Variants in AKT3 observed in about 807,000 individuals in gnomAD.
The protein encoded by AKT3 is AKT serine/threonine kinase 3.
In AKT3, 15 loss-of-function variants were observed where a neutral mutation model predicts 65.3. The ratio of observed to expected loss-of-function variants is 0.23; its 90% CI spans 0.15 to 0.35. The LOEUF (loss-of-function observed/expected upper bound fraction) is 0.35, where lower values mean the gene tolerates loss of function less well. Ranked by LOEUF, AKT3 falls within the 10% of genes least tolerant of loss-of-function variation. The probability of loss-of-function intolerance (pLI) is 1.00; values close to 1 mark genes in which losing one functional copy is unlikely to be tolerated. For synonymous variants in AKT3, 206 were observed against 183.8 expected (o/e 1.12, Z -0.98); for missense variants, 243 against 576.5 (o/e 0.42, Z 5.92).
chr1:243,594,631 T>C (rs1676469073), intron 8 of AKT3, among the ~76,000 whole-genome samples: 1 of 152,214 alleles, frequency 6.6e-6, no homozygotes, highest in Non-Finnish European at 1.5e-5. Flanking sequence ...AGGGTCTTGC[T>C]GTGTTGTCCA....
chr1:243,659,695 T>G (rs1484830264), intron 4 of AKT3, among the ~76,000 whole-genome samples: 1 of 152,036 alleles, frequency 6.6e-6, no homozygotes, highest in Non-Finnish European at 1.5e-5. Context: ...GAGAAAAAAA[T>G]AGAGTCCACC....
intron 2 of AKT3, among the ~76,000 whole-genome samples, chr1:243,781,980 G>A (rs1365209882): frequency 2.0e-5 from 3 of 152,070 alleles, no homozygotes; most frequent in Admixed American, 6.6e-5. Context: ...ACACCATCAT[G>A]CCCAGCTAAC....
At chr1:243,734,086 A>T (rs540856616) in intron 2 of AKT3, among the ~76,000 whole-genome samples, 43 of 152,288 alleles carry the variant, frequency 2.8e-4, no homozygotes, top group Non-Finnish European at 4.9e-4. Flanking sequence ...TGATAAACAC[A>T]CTGTCAAGTC....
At chr1:243,495,017 T>C (rs1436203868), downstream of AKT3, among the ~76,000 whole-genome samples, 1 of 152,236 alleles carries the variant, frequency 6.6e-6, no homozygotes, top group Non-Finnish European at 1.5e-5. Flanking sequence ...ATTCTTAAAA[T>C]CTATTTACCA....
intron 4 of AKT3, among the ~76,000 whole-genome samples, chr1:243,655,767 C>T (rs1440609118): frequency 1.3e-5 from 2 of 152,002 alleles, no homozygotes; most frequent in Non-Finnish European, 2.9e-5. Flanking sequence ...AGTGGTTTAC[C>T]ATGTCTCCTC....
chr1:243,578,497 C>G (rs1675106799), intron 8 of AKT3, among the ~76,000 whole-genome samples: 1 of 152,074 alleles, frequency 6.6e-6, no homozygotes, highest in African/African-American at 2.4e-5. Context: ...AATACATGGG[C>G]ACAGGGAGAA....
chr1:243,488,359 T>A (rs1411474813), exon 14 of AKT3: 2 of 153,956 alleles, frequency 1.3e-5, no homozygotes, highest in Non-Finnish European at 2.9e-5. Context: ...CTCGCTTCTT[T>A]CCAGAACACT....
intron 9 of AKT3, among the ~76,000 whole-genome samples, chr1:243,565,144 T>C (rs1674061337): frequency 6.6e-6 from 1 of 152,210 alleles, no homozygotes; most frequent in Non-Finnish European, 1.5e-5. Flanking sequence ...ACATTTCATG[T>C]ATAGCATGTC....
chr1:243,690,972 C>T (rs746540549), intron 3 of AKT3, among the ~76,000 whole-genome samples: 11 of 152,100 alleles, frequency 7.2e-5, no homozygotes, highest in Non-Finnish European at 1.5e-4. Flanking sequence ...TAAGCTCTTT[C>T]CCCTAAAATA....
intron 2 of AKT3, among the ~76,000 whole-genome samples, chr1:243,763,924 T>G (rs1191605370): frequency 6.6e-6 from 1 of 152,092 alleles, no homozygotes; most frequent in African/African-American, 2.4e-5. Flanking sequence ...TCTTCACTTT[T>G]TCATCAATCT....
intron 8 of AKT3, among the ~76,000 whole-genome samples, chr1:243,578,540 C>CCCCA (rs1325722681): frequency 6.6e-6 from 1 of 151,914 alleles, no homozygotes; most frequent in Non-Finnish European, 1.5e-5. Context: ...TGGGGCAGAG[C>CCCCA]CAAGGGAGGG....
chr1:243,601,731 A>G (rs560362152), intron 8 of AKT3, among the ~76,000 whole-genome samples: 17 of 152,356 alleles, frequency 1.1e-4, no homozygotes, highest in African/African-American at 4.1e-4. Flanking sequence ...AGCCATAAAA[A>G]GAAACAAACT....
At chr1:243,603,083 A>G (rs930071054) in intron 8 of AKT3, among the ~76,000 whole-genome samples, 6 of 152,212 alleles carry the variant, frequency 3.9e-5, no homozygotes, top group African/African-American at 1.4e-4. Flanking sequence ...ATGTAAATTT[A>G]GTAACATTTA....
chr1:243,739,228 C>T, intron 2 of AKT3, among the ~76,000 whole-genome samples: 1 of 152,188 alleles, frequency 6.6e-6, no homozygotes, highest in Admixed American at 6.5e-5. Flanking sequence ...TAAAATTTAA[C>T]TGAATAATAT....
chr1:243,803,645 TACACACACAC>T (rs72379577), intron 2 of AKT3, among the ~76,000 whole-genome samples: 5,957 of 136,648 alleles, frequency 0.044, 213 homozygotes, highest in African/African-American at 0.11. Flanking sequence ...GACGTACATG[TACACACACAC>T]ACACACACAC....
chr1:243,743,363 C>T (rs1319189824), intron 2 of AKT3, among the ~76,000 whole-genome samples: 1 of 152,146 alleles, frequency 6.6e-6, no homozygotes, highest in Non-Finnish European at 1.5e-5. Context: ...AAGGAAAAAC[C>T]ACTGTTTGTT....
chr1:243,515,221 G>A (rs973940326), intron 12 of AKT3, among the ~76,000 whole-genome samples: 1 of 152,102 alleles, frequency 6.6e-6, no homozygotes, highest in East Asian at 1.9e-4. Context: ...CTCCCAGTTT[G>A]GGGCAATTAC....
At chr1:243,814,928 T>C (rs1693412357) in intron 2 of AKT3, among the ~76,000 whole-genome samples, 2 of 152,178 alleles carry the variant, frequency 1.3e-5, no homozygotes, top group Admixed American at 6.5e-5. Flanking sequence ...ATCCAGCAGG[T>C]GTTTTGAGGC....
chr1:243,684,169 T>TA (rs1684118391), intron 3 of AKT3, among the ~76,000 whole-genome samples: 1 of 152,174 alleles, frequency 6.6e-6, no homozygotes, highest in African/African-American at 2.4e-5. Flanking sequence ...TACTTTTTTT[T>TA]ATTATACTTT....
Sources: gnomAD v4.1 joint callset for allele counts (sites outside exome capture counted in the v4.1 genomes callset) on GRCh38, gnomAD v4.1.1 for gene constraint, MANE v1.5 for transcripts, NCBI Gene and HGNC (gene_info 2026-07-23, HGNC 2026-07-21) for gene names.